Variants in WLS observed in about 807,000 individuals in gnomAD.
WLS encodes Wnt ligand secretion mediator.
Under a neutral mutation model 62.8 loss-of-function variants are expected in WLS, and 23 were observed. That is an observed-to-expected ratio of 0.37 (90% confidence interval 0.26 to 0.52). The LOEUF (loss-of-function observed/expected upper bound fraction) is 0.52. WLS is among the 20% of genes least tolerant of loss of function. WLS has a pLI of 0.92. For missense variants in WLS, 615 were observed against 697.3 expected (o/e 0.88, Z 1.33); for synonymous variants, 246 against 244.1 (o/e 1.01, Z -0.07).
At chr1:68,186,864 T>C (rs1390713377) in intron 2 of WLS, among the ~76,000 whole-genome samples, 3 of 151,934 alleles carry the variant, frequency 2.0e-5, no homozygotes, top group Admixed American at 6.6e-5. Flanking sequence ...GTAGAGAGGA[T>C]AAATTTAAGG....
At position 68,153,535 on chromosome 1, in the gene WLS, G is replaced by A. The variant is rs1570902334; in HGVS notation, c.785C>T (p.Pro262Leu). ...CTCTTACTTTTCCAGAAGCACTGGGGGTCGGGACATCATGGTGATCCTCCT... is the reference window on the plus strand; with the variant it reads ...CTCTTACTTTTCCAGAAGCACTGGGAGTCGGGACATCATGGTGATCCTCCT... ...YWRRITMMSR[P>L]PVLLEKVIFA... Residue 262 changes from proline to leucine, a missense_variant, in exon 5 of 12, where the codon CCC (proline) becomes CTC (leucine). Coordinates refer to ENST00000262348, the MANE Select transcript of WLS (RefSeq NM_024911.7). The A allele has an allele frequency of 6.2e-7, 1 of 1,613,942 alleles. No homozygotes were observed. Among genetic ancestry groups the A allele is most frequent in the Non-Finnish European group, 8.5e-7 (1 of 1,180,020 alleles).
intron 1 of WLS, among the ~76,000 whole-genome samples, chr1:68,220,580 C>A (rs544009668): frequency 3.3e-5 from 5 of 152,266 alleles, no homozygotes; most frequent in African/African-American, 9.6e-5. Flanking sequence ...AACCATAAAA[C>A]CACATTCCAT....
intron 11 of WLS, among the ~76,000 whole-genome samples, chr1:68,130,151 T>C (rs1646497511): frequency 6.6e-6 from 1 of 152,234 alleles, no homozygotes; most frequent in African/African-American, 2.4e-5. Context: ...AGACAGCTTC[T>C]TAGGACCGGC....
At chr1:68,198,788 G>A (rs1648824733) in intron 1 of WLS, among the ~76,000 whole-genome samples, 1 of 152,210 alleles carries the variant, frequency 6.6e-6, no homozygotes, top group African/African-American at 2.4e-5. Flanking sequence ...AGATATTTGG[G>A]AGGTGGGAGA....
chr1:68,104,890 A>G (rs6686318), intron 11 of WLS, among the ~76,000 whole-genome samples: 2,371 of 152,326 alleles, frequency 0.016, 56 homozygotes, highest in African/African-American at 0.054. Context: ...TCTGCACTAC[A>G]ACCTGGGCAA....
intron 4 of WLS, among the ~76,000 whole-genome samples, chr1:68,154,677 A>T (rs962918996): frequency 6.6e-6 from 1 of 152,208 alleles, no homozygotes; most frequent in South Asian, 2.1e-4. Flanking sequence ...TGAGATTGAA[A>T]AGAAATGGCC....
intron 1 of WLS, among the ~76,000 whole-genome samples, chr1:68,207,932 C>A (rs1002772652): frequency 1.4e-4 from 21 of 152,214 alleles, no homozygotes; most frequent in Non-Finnish European, 2.9e-5. Flanking sequence ...AGATGAAGAC[C>A]TACTCCATGT....
At chr1:68,150,935 A>T (rs1464248736) in intron 5 of WLS, among the ~76,000 whole-genome samples, 1 of 152,146 alleles carries the variant, frequency 6.6e-6, no homozygotes, top group Non-Finnish European at 1.5e-5. Flanking sequence ...ACTTTTTTCC[A>T]TCCCCTTGAA....
At chr1:68,231,280 G>A (rs1275204935) in intron 1 of WLS, among the ~76,000 whole-genome samples, 6 of 152,124 alleles carry the variant, frequency 3.9e-5, no homozygotes, top group Non-Finnish European at 7.4e-5. Context: ...GGAGGTGCAC[G>A]CCAGGGGAGG....
chr1:68,181,619 C>T (rs999775119), intron 2 of WLS, among the ~76,000 whole-genome samples: 9 of 152,296 alleles, frequency 5.9e-5, no homozygotes, highest in Non-Finnish European at 1.2e-4. Context: ...GGCTGACTCA[C>T]CTGTATGGGG....
At position 68,125,704 on chromosome 1, in the gene WLS, C is replaced by T; in HGVS notation, c.*522G>A. 1.0e-6 allele frequency: 1 copy of T among 984,540 alleles called. No individual in the cohort carries two copies. The highest frequency in any genetic ancestry group is 1.2e-6 in the Non-Finnish European group (1 of 829,188). 61.0% of individuals were successfully genotyped at this position (984,540 alleles called of 1,614,324 possible). On this transcript the variant is annotated 3_prime_UTR_variant, in exon 12 of 12. Coordinates refer to ENST00000262348, the MANE Select transcript of WLS (RefSeq NM_024911.7). ...AACAGGGACACTTATCTATTGACAACTTAAATATTAACTCAGTGGGCTACC... is the reference window on the plus strand; with the variant it reads ...AACAGGGACACTTATCTATTGACAATTTAAATATTAACTCAGTGGGCTACC...
At chr1:68,100,847 C>T (rs944898797) in intron 11 of WLS, 44 of 152,174 alleles carry the variant, frequency 2.9e-4, no homozygotes, top group African/African-American at 1.0e-3. Context: ...TTTTTTCTTT[C>T]ACTCTAGCAG....
intron 2 of WLS, among the ~76,000 whole-genome samples, chr1:68,190,883 C>T (rs1648255960): frequency 6.6e-6 from 1 of 152,050 alleles, no homozygotes; most frequent in African/African-American, 2.4e-5. Context: ...CATGGAGAAA[C>T]CCCGTCTCTA....
At chr1:68,167,669 G>T (rs1445386779) in intron 2 of WLS, among the ~76,000 whole-genome samples, 1 of 152,140 alleles carries the variant, frequency 6.6e-6, no homozygotes, top group Non-Finnish European at 1.5e-5. Flanking sequence ...TGAAATCCAT[G>T]GTTTTCCATA....
Position 68,155,956 on chromosome 1 carries a change from A to G in WLS, c.505-696T>C, listed in dbSNP as rs75508539. On this transcript the variant is annotated intron_variant, in intron 3 of 11. Transcript: ENST00000262348. Reference sequence around the variant, plus strand: ...GCAGAAGGGAATAGAAGTTTTAATGAAATAAGAATTTAGCCCAGTGTCTAG... The same window carrying G: ...GCAGAAGGGAATAGAAGTTTTAATGGAATAAGAATTTAGCCCAGTGTCTAG... 7.2e-4 allele frequency among the ~76,000 whole-genome samples: 109 copies of G among 152,304 alleles called. 1 individual carries two copies. In the East Asian group the frequency reaches 0.019, roughly 26 times the overall value.
intron 2 of WLS, among the ~76,000 whole-genome samples, chr1:68,161,318 A>G (rs931667848): frequency 3.3e-5 from 5 of 152,164 alleles, no homozygotes; most frequent in African/African-American, 1.2e-4. Flanking sequence ...CCTATTAGCA[A>G]AAGGAGGTCA....
At chr1:68,174,248 G>A (rs374589941) in intron 2 of WLS, among the ~76,000 whole-genome samples, 2 of 152,104 alleles carry the variant, frequency 1.3e-5, no homozygotes, top group African/African-American at 2.4e-5. Flanking sequence ...TACCTCCATC[G>A]CCCTGGTGAC....
intron 1 of WLS, chr1:68,231,751 A>C (rs1353169375): frequency 2.1e-6 from 1 of 465,878 alleles, no homozygotes; most frequent in Non-Finnish European, 4.3e-6. Context: ...TGCGCCGGGC[A>C]CAGTTCCCCG....
intron 11 of WLS, among the ~76,000 whole-genome samples, chr1:68,114,465 T>A (rs949544076): frequency 1.3e-5 from 2 of 152,250 alleles, no homozygotes; most frequent in Non-Finnish European, 2.9e-5. Context: ...GATACCTTTT[T>A]AAAACTTACT....
Sources: allele counts gnomAD v4.1 joint callset (sites outside exome capture counted in the v4.1 genomes callset), GRCh38; gene constraint gnomAD v4.1.1; transcripts MANE v1.5; gene names NCBI Gene and HGNC (gene_info 2026-07-23, HGNC 2026-07-21).